Variants in KIAA0232 observed in about 807,000 individuals in gnomAD.
The protein encoded by KIAA0232 is KIAA0232.
KIAA0232 carries 27 observed loss-of-function variants against 122.0 expected under a neutral mutation model. That is an observed-to-expected ratio of 0.22 (90% CI 0.16 to 0.31). KIAA0232 has a LOEUF of 0.31. Among genes scored for constraint, KIAA0232 ranks in the 10% least tolerant of loss-of-function variants. The probability of loss-of-function intolerance (pLI) is 1.00; values close to 1 mark genes in which losing one functional copy is unlikely to be tolerated. For missense variants in KIAA0232, 1,551 were observed against 1,634.2 expected (o/e 0.95, Z 0.88); for synonymous variants, 613 against 587.6 (o/e 1.04, Z -0.63).
chr4:6,783,592 C>T (rs973711884), intron 1 of KIAA0232, among the ~76,000 whole-genome samples: 3 of 151,526 alleles, frequency 2.0e-5, no homozygotes, highest in Non-Finnish European at 2.9e-5. Flanking sequence ...TTTGGGGCCC[C>T]GGGAAGGGAA....
chr4:6,828,429 C>T (rs1283501293), intron 3 of KIAA0232, among the ~76,000 whole-genome samples: 1 of 152,202 alleles, frequency 6.6e-6, no homozygotes, highest in Non-Finnish European at 1.5e-5. Flanking sequence ...ACCTCACTAA[C>T]AGCTAGGATA....
At chr4:6,818,016 A>T (rs892424230) in intron 2 of KIAA0232, among the ~76,000 whole-genome samples, 2 of 151,898 alleles carry the variant, frequency 1.3e-5, no homozygotes, top group East Asian at 1.9e-4. Flanking sequence ...TTAGTGTAAA[A>T]TTTTTTCTCC....
At chr4:6,847,644 C>T (rs964806465) in intron 4 of KIAA0232, among the ~76,000 whole-genome samples, 1 of 151,966 alleles carries the variant, frequency 6.6e-6, no homozygotes, top group African/African-American at 2.4e-5. Flanking sequence ...TGCAAGTTTT[C>T]GATAAAATGT....
intron 4 of KIAA0232, among the ~76,000 whole-genome samples, chr4:6,845,312 T>C (rs1477894443): frequency 1.3e-5 from 2 of 152,186 alleles, no homozygotes; most frequent in Non-Finnish European, 2.9e-5. Context: ...AGAGAAAACT[T>C]GGCAGAGAAA....
intron 2 of KIAA0232, among the ~76,000 whole-genome samples, chr4:6,805,730 G>A (rs16839341): frequency 1.0e-3 from 153 of 152,160 alleles, no homozygotes; most frequent in African/African-American, 3.7e-3. Flanking sequence ...ATGTTTCAAC[G>A]TTGACAAAGT....
intron 3 of KIAA0232, among the ~76,000 whole-genome samples, chr4:6,833,982 G>A (rs1009989462): frequency 1.3e-5 from 2 of 152,128 alleles, no homozygotes; most frequent in African/African-American, 2.4e-5. Context: ...TAAGAACATA[G>A]GCCTTGGAAT....
intron 7 of KIAA0232, among the ~76,000 whole-genome samples, chr4:6,868,702 A>G (rs1721311689): frequency 6.6e-6 from 1 of 152,220 alleles, no homozygotes; most frequent in Admixed American, 6.5e-5. Context: ...TCCCAGCCAC[A>G]GCAGAAGTTG....
rs1237864069 is a variant in KIAA0232, at chr4:6,884,025, A to G, written c.*3059A>G. ...ATTATGTAGATTTAACAGGTTCCTC[A>G]TTGATAAAACAATGTTTTTTTGGTT... On this transcript the variant is annotated 3_prime_UTR_variant, in exon 10 of 10. Coordinates refer to ENST00000307659, the MANE Select transcript of KIAA0232 (RefSeq NM_014743.3). 1 of 152,230 alleles carries G rather than the reference A, an allele frequency of 6.6e-6. No homozygotes were observed. Among genetic ancestry groups the G allele is most frequent in the Non-Finnish European group, 1.5e-5 (1 of 68,038 alleles). 9.4% of individuals were successfully genotyped at this position (152,230 alleles called of 1,614,324 possible).
At chr4:6,794,632 A>C (rs1296234088) in intron 1 of KIAA0232, among the ~76,000 whole-genome samples, 1 of 152,180 alleles carries the variant, frequency 6.6e-6, no homozygotes, top group African/African-American at 2.4e-5. Context: ...GAAGAGGAAG[A>C]GAGAAAGATG....
chr4:6,843,927 CTTTTTTTTTTTTTTTT>C (rs373793407), intron 4 of KIAA0232, among the ~76,000 whole-genome samples: 6 of 46,360 alleles, frequency 1.3e-4, no homozygotes, highest in South Asian at 1.1e-3. Context: ...AGTTACCCAT[CTTTTTTTTTTTTTTTT>C]TTTTTTTTTT....
At chr4:6,872,307 G>A (rs1384922779) in intron 8 of KIAA0232, among the ~76,000 whole-genome samples, 10 of 152,230 alleles carry the variant, frequency 6.6e-5, no homozygotes, top group Non-Finnish European at 1.0e-4. Flanking sequence ...GGTCTGGACT[G>A]AGGCAATCAA....
rs972609907 is a variant in KIAA0232 at position 6,855,115 on chromosome 4, C to T, written c.370-2049C>T. 2.6e-5 allele frequency among the ~76,000 whole-genome samples: 4 copies of T among 151,380 alleles called. No individual in the cohort carries two copies. In the South Asian group the frequency reaches 6.3e-4, roughly 24 times the overall value. ...TTTTTATTTTTTTGAGACCGAGTCT[C>T]GCTCTGTTGCCCAGGCTGGAGTGCA... On this transcript the variant is annotated intron_variant, in intron 4 of 9. Transcript: ENST00000307659. This position sits in a 1 kb window ranked among gnomAD's most constrained non-coding sequence, Gnocchi z 4.3.
chr4:6,797,459 G>C (rs1717179678), intron 1 of KIAA0232, among the ~76,000 whole-genome samples: 2 of 152,124 alleles, frequency 1.3e-5, no homozygotes, highest in Admixed American at 1.3e-4. Context: ...AAAAGACTTC[G>C]CTTTAACCCT....
At position 6,864,179 on chromosome 4, in the gene KIAA0232, A is replaced by G; in HGVS notation, c.3797A>G (p.Glu1266Gly). 1 of 1,609,436 alleles carries G rather than the reference A, an allele frequency of 6.2e-7. No individual in the cohort carries two copies. Among genetic ancestry groups the G allele is most frequent in the Non-Finnish European group, 8.5e-7 (1 of 1,177,364 alleles). ...AATCCAGTTTCTTCGGGACAGCTGG[A>G]AGAGGTATGTGTCTGCGTGTTGGTA... ...EDNPVSSGQL[E>G]EFPVLNTDIQ... Residue 1266 changes from glutamate (E) to glycine (G), a missense_variant, in exon 7 of 10, where the codon GAA becomes GGA. Glu to Gly is a moderately conservative substitution (Grantham distance 98). This residue lies in a region of KIAA0232 where 1,108 missense variants were observed against 1,154.8 expected (regional missense o/e 0.96). Coordinates refer to ENST00000307659, the MANE Select transcript of KIAA0232 (RefSeq NM_014743.3).
At chr4:6,827,508 G>T (rs912891079) in intron 3 of KIAA0232, among the ~76,000 whole-genome samples, 2 of 152,174 alleles carry the variant, frequency 1.3e-5, no homozygotes, top group Non-Finnish European at 2.9e-5. Context: ...CCAAACCACT[G>T]TACTCCTGGG....
intron 7 of KIAA0232, among the ~76,000 whole-genome samples, chr4:6,867,375 G>T (rs762412937): frequency 3.3e-5 from 5 of 152,228 alleles, no homozygotes; most frequent in Non-Finnish European, 7.3e-5. Flanking sequence ...AGGGTAAAGA[G>T]ATTTGAATCT....
At chr4:6,833,838 C>G (rs1165431114) in intron 3 of KIAA0232, among the ~76,000 whole-genome samples, 1 of 152,110 alleles carries the variant, frequency 6.6e-6, no homozygotes, top group African/African-American at 2.4e-5. Flanking sequence ...AAAACTTGTA[C>G]TACTGACCCA....
At chr4:6,806,246 A>G (rs1717609570) in intron 2 of KIAA0232, among the ~76,000 whole-genome samples, 2 of 152,362 alleles carry the variant, frequency 1.3e-5, no homozygotes, top group South Asian at 2.1e-4. Context: ...AAATGTCTAC[A>G]TTGGTTATTA....
Position 6,861,464 on chromosome 4 carries a change from A to G in KIAA0232, c.1082A>G (p.Gln361Arg). The G allele has an allele frequency of 6.2e-7, 1 of 1,614,222 alleles. No homozygotes were observed. The highest frequency in any genetic ancestry group is 8.5e-7 in the Non-Finnish European group (1 of 1,180,036). The change falls in exon 7 of 10, where the codon CAG becomes CGG. Residue 361 changes from glutamine to arginine, a missense_variant. Coordinates refer to ENST00000307659, the MANE Select transcript of KIAA0232 (RefSeq NM_014743.3). The part of the protein sequence containing the change: ...SSSSSSGSVK[Q>R]LCKRGKRPLK... ...AGTAGCAGCAGTGGTTCTGTCAAAC[A>G]GCTGTGCAAGCGGGGTAAGAGACCT...
Sources: allele counts gnomAD v4.1 joint callset (sites outside exome capture counted in the v4.1 genomes callset), GRCh38; gene constraint gnomAD v4.1.1; regional missense constraint gnomAD v4.1.1; non-coding constraint Gnocchi (gnomAD v3.1); transcripts MANE v1.5; gene names NCBI Gene and HGNC (gene_info 2026-07-23, HGNC 2026-07-21).